KRT75: variants seen among roughly 807,000 people sequenced by gnomAD.
The protein encoded by KRT75 is keratin 75.
In KRT75, 35 loss-of-function variants were observed where a neutral mutation model predicts 48.8. The ratio of observed to expected loss-of-function variants is 0.72; its 90% confidence interval spans 0.55 to 0.95. The LOEUF (loss-of-function observed/expected upper bound fraction) is 0.95, where lower values mean the gene tolerates loss of function less well. Ranked by LOEUF, KRT75 falls within the 40% of genes least tolerant of loss-of-function variation. The pLI, the probability that KRT75 is intolerant of heterozygous loss-of-function variation, is 0.00. For synonymous variants in KRT75, 301 were observed against 282.3 expected (o/e 1.07, Z -0.66); for missense variants, 776 against 709.9 (o/e 1.09, Z -1.06).
In KRT75 at chr12:52,428,409, C is replaced by T. The variant is rs140420310; in HGVS notation, c.1229G>A (p.Arg410Gln). The T allele has an allele frequency of 1.7e-5, 28 of 1,614,138 alleles. No homozygotes were observed. The African/African-American group carries it at 3.2e-4, about 18-fold the overall frequency. The change falls in exon 7 of 9, where the codon CGG (arginine) becomes CAG (glutamine). Residue 410 changes from arginine (R) to glutamine (Q), a missense_variant. By Grantham distance (43) the Arg-to-Gln change is conservative. Coordinates refer to ENST00000252245, the MANE Select transcript of KRT75 (RefSeq NM_004693.3). ...QRGELALKDA[R>Q]AKLVDLEEAL... is the part of the protein sequence containing the mutation. ...CTCCTCAAGGTCCACCAGCTTGGCC[C>T]GTGCATCCTTGAGAGCCAGTTCTCC...
At chr12:52,426,714 T>G in intron 8 of KRT75, 103 bp downstream of exon 8, 1 of 1,175,882 alleles carries the variant, frequency 8.5e-7, no homozygotes, top group Non-Finnish European at 1.3e-6. Flanking sequence ...GTCTGTGAGA[T>G]CCCGTCTAAC....
In KRT75 at chr12:52,431,480, G is replaced by A. The variant is rs1940142949; in HGVS notation, c.870+63C>T. On this transcript the variant is annotated intron_variant, in intron 4 of 8. Transcript: ENST00000252245. ...GCACTGAATGAATGAATGGCACAATGCATCATCCTTTTCTTTCCAGGCTCC... is the reference window on the plus strand; with the variant it reads ...GCACTGAATGAATGAATGGCACAATACATCATCCTTTTCTTTCCAGGCTCC... The A allele has an allele frequency of 3.5e-6, 4 of 1,156,728 alleles. No individual in the cohort carries two copies. In the Admixed American group the frequency reaches 5.1e-5, roughly 15 times the overall value. The allele number at this position is 1,156,728 out of a possible 1,614,324, so 71.7% of individuals were successfully genotyped here.
Position 52,426,842 on chromosome 12 carries a change from T to A in KRT75, c.1392A>T (p.Gly464=). The A allele has an allele frequency of 6.2e-7, 1 of 1,614,142 alleles. No individual in the cohort carries two copies. Among genetic ancestry groups the A allele is most frequent in the East Asian group, 2.2e-5 (1 of 44,878 alleles). ...AAATGTTAACTGGAGAAACTCCCTC[T>A]CCACTCAACCTGATTGGGAAGAGCA... The part of the protein sequence containing the change: ...LLEGEECRLS[G]EGVSPVNISV... The change falls in exon 8 of 9, where the codon GGA becomes GGT. Residue 464 remains glycine (G), a synonymous_variant. Transcript: ENST00000252245.
chr12:52,432,482 C>T (rs1221074162), intron 2 of KRT75, among the ~76,000 whole-genome samples: 1 of 152,108 alleles, frequency 6.6e-6, no homozygotes, highest in African/African-American at 2.4e-5. Flanking sequence ...GAGAAATATG[C>T]TTTTTGTAAC....
Position 52,432,046 on chromosome 12 carries a change from T to A in KRT75, c.734A>T (p.Lys245Met). 6.2e-7 allele frequency: 1 copy of A among 1,614,224 alleles called. No individual in the cohort carries two copies. The change falls in exon 3 of 9, where the codon AAG becomes ATG. Residue 245 changes from lysine (K) to methionine (M), a missense_variant. Transcript: ENST00000252245. Reference protein sequence around the residue: ...FKVRYEDEINKRTAAENEFVA... With the variant: ...FKVRYEDEINMRTAAENEFVA... ...AAATTCATTCTCAGCAGCTGTGCGC[T>A]TGTTAATTTCATCTTCGTACCTATA...
chr12:52,433,480 G>A (rs1316775015), intron 1 of KRT75, among the ~76,000 whole-genome samples: 2 of 152,186 alleles, frequency 1.3e-5, no homozygotes, highest in Non-Finnish European at 2.9e-5. Flanking sequence ...CTGTTGGGGA[G>A]CTGCTCTTGG....
rs370097335 is a variant in KRT75 at position 52,433,103 on chromosome 12, G to A, written c.648C>T (p.Thr216=). The A allele has an allele frequency of 2.2e-5, 35 of 1,613,854 alleles. No individual in the cohort carries two copies. In the African/African-American group the frequency reaches 2.3e-4, roughly 10 times the overall value. Residue 216 remains threonine, a synonymous_variant, in exon 2 of 9, where the codon ACC becomes ACT. Coordinates refer to ENST00000252245, the MANE Select transcript of KRT75 (RefSeq NM_004693.3). ...ELRRQLESIT[T]ERGRLEAELR... ...GTTCAGCTTCAAGCCTGCCCCTCTC[G>A]GTGGTGATGCTTTCCAGCTGCCGTC...
chr12:52,431,653 C>T lies in KRT75; in HGVS notation c.775-15G>A. On this transcript the variant is annotated splice_polypyrimidine_tract_variant and intron_variant, in intron 3 of 8. Coordinates refer to ENST00000252245, the MANE Select transcript of KRT75 (RefSeq NM_004693.3). Reference sequence around the variant, plus strand: ...GCATCTACGTCCTGGAATGACAGCGCAGGATGCTCCTTTGAGTCTGCAGCC... The same window carrying T: ...GCATCTACGTCCTGGAATGACAGCGTAGGATGCTCCTTTGAGTCTGCAGCC... The T allele has an allele frequency of 6.3e-7, 1 of 1,577,952 alleles. No individual in the cohort carries two copies. The highest frequency in any genetic ancestry group is 1.3e-5 in the African/African-American group (1 of 74,324).
rs766957912 is a variant in KRT75 at position 52,428,693 on chromosome 12, G to T, written c.1086C>A (p.Asn362Lys). Residue 362 changes from asparagine to lysine, a missense_variant, in exon 6 of 9, where the codon AAC becomes AAA. Transcript: ENST00000252245. Reference sequence around the variant, plus strand: ...TCATTTCAGAGATCTCTTGTTTGGTGTTTCGAAGGTCATCCCCATGTCTGC... The same window carrying T: ...TCATTTCAGAGATCTCTTGTTTGGTTTTTCGAAGGTCATCCCCATGTCTGC... Reference protein sequence around the residue: ...TAGRHGDDLRNTKQEISEMNR... With the variant: ...TAGRHGDDLRKTKQEISEMNR... 1 of 1,614,186 alleles carries T rather than the reference G, an allele frequency of 6.2e-7. No homozygotes were observed. Among genetic ancestry groups the T allele is most frequent in the Non-Finnish European group, 8.5e-7 (1 of 1,180,046 alleles).
intron 2 of KRT75, 139 bp downstream of exon 2, chr12:52,432,899 G>A (rs1940163016): frequency 2.5e-6 from 2 of 792,428 alleles, no homozygotes; most frequent in Non-Finnish European, 4.3e-6. Flanking sequence ...ACACAGTGCT[G>A]TCTCCACCTT....
At chr12:52,427,865 C>T (rs1377712041) in intron 7 of KRT75, among the ~76,000 whole-genome samples, 2 of 152,052 alleles carry the variant, frequency 1.3e-5, no homozygotes, top group Non-Finnish European at 2.9e-5. Flanking sequence ...AAATTGAGGG[C>T]CAGAGAAGGG....
chr12:52,433,584 T>G (rs17716590), intron 1 of KRT75, among the ~76,000 whole-genome samples: 16,362 of 152,174 alleles, frequency 0.11, 1,069 homozygotes, highest in Admixed American at 0.2. Flanking sequence ...CCCTTGGTGT[T>G]GACTGAACCA....
intron 1 of KRT75, 148 bp downstream of exon 1, chr12:52,433,659 G>T: frequency 1.6e-6 from 2 of 1,272,776 alleles, no homozygotes; most frequent in Non-Finnish European, 1.1e-6. Flanking sequence ...GGCCTGACTT[G>T]GAAGGGTCTC....
intron 2 of KRT75, 149 bp downstream of exon 2, chr12:52,432,889 A>T: frequency 5.3e-6 from 4 of 755,410 alleles, no homozygotes; most frequent in South Asian, 1.5e-5. Flanking sequence ...GTGCTACCCC[A>T]CACAGTGCTG....
At chr12:52,426,717 C>T (rs1378943337) in intron 8 of KRT75, 100 bp downstream of exon 8, 13 of 1,210,024 alleles carry the variant, frequency 1.1e-5, no homozygotes, top group Admixed American at 6.7e-5. Flanking sequence ...TGTGAGATCC[C>T]GTCTAACCCG....
chr12:52,430,761 T>C (rs893912704), intron 4 of KRT75, 56 bp from the exon 5 acceptor site: 5 of 1,605,176 alleles, frequency 3.1e-6, no homozygotes, highest in Non-Finnish European at 4.3e-6. Flanking sequence ...TCTTAAATCT[T>C]CGTGGTTAAC....
At chr12:52,433,388 A>G (rs1940171703) in intron 1 of KRT75, 136 bp from the exon 2 acceptor site, 2 of 814,928 alleles carry the variant, frequency 2.5e-6, no homozygotes, top group Middle Eastern at 3.5e-4. Context: ...GACAACTCCA[A>G]CCCAAAAGGA....
At chr12:52,430,509 C>G (rs1940129235) in intron 5 of KRT75, 32 bp downstream of exon 5, 1 of 1,609,696 alleles carries the variant, frequency 6.2e-7, no homozygotes, top group Non-Finnish European at 8.5e-7. Context: ...AACACTAACC[C>G]TGGAACCTCT....
intron 5 of KRT75, among the ~76,000 whole-genome samples, chr12:52,430,007 C>T (rs1273337555): frequency 6.6e-6 from 1 of 152,160 alleles, no homozygotes; most frequent in African/African-American, 2.4e-5. Flanking sequence ...TTAAACCTCT[C>T]CCCACTCCTC....
Sources: allele counts gnomAD v4.1 joint callset (sites outside exome capture counted in the v4.1 genomes callset), GRCh38; gene constraint gnomAD v4.1.1; transcripts MANE v1.5; gene names NCBI Gene and HGNC (gene_info 2026-07-23, HGNC 2026-07-21).